Variants in ZNF14 observed in about 807,000 individuals in gnomAD.
ZNF14 encodes the protein gonadotropin inducible transcription repressor-4.
Under a neutral mutation model 11.3 loss-of-function variants are expected in ZNF14, and 9 were observed. The ratio of observed to expected loss-of-function variants is 0.80; its 90% CI spans 0.48 to 1.39. The LOEUF is 1.39. ZNF14 is among the 40% of genes most tolerant of loss of function. The pLI is 0.00. For missense variants in ZNF14, 711 were observed against 763.9 expected (o/e 0.93, Z 0.82); for synonymous variants, 239 against 245.7 (o/e 0.97, Z 0.25).
At chr19:19,714,068 A>G (rs752843062) in intron 3 of ZNF14, 23 bp downstream of exon 3, 4 of 1,610,090 alleles carry the variant, frequency 2.5e-6, no homozygotes, top group Admixed American at 1.7e-5. Flanking sequence ...ACGGGCCACT[A>G]TTTTTCTGTG....
At position 19,728,200 on chromosome 19, in the gene ZNF14, C is replaced by T. The variant is rs2062411617; in HGVS notation, c.3+4756G>A. 2.3e-5 allele frequency among the ~76,000 whole-genome samples: 3 copies of T among 132,840 alleles called. 1 individual carries two copies. Among genetic ancestry groups the T allele is most frequent in the African/African-American group, 8.4e-5 (3 of 35,852 alleles). 87.1% of individuals were successfully genotyped at this position (132,840 alleles called of 152,430 possible). A position where few individuals can be genotyped will look rare whatever the true frequency, so the allele number is the denominator to read the frequency against. On this transcript the variant is annotated intron_variant, in intron 1 of 3. Coordinates refer to ENST00000344099, the MANE Select transcript of ZNF14 (RefSeq NM_021030.3). ...GATAAAAGCAATCTGTCAGACCAAA[C>T]ACCAATCCCAGTACCACAGTCAAAC...
chr19:19,710,968 C>T lies in ZNF14; in HGVS notation c.*384G>A, dbSNP rs757603680. ...AATTTTTAGTAGAGATGGGGTTACACCATGTTGACCACGCTGGTCTCGAAT... is the reference window on the plus strand; with the variant it reads ...AATTTTTAGTAGAGATGGGGTTACATCATGTTGACCACGCTGGTCTCGAAT... On this transcript the variant is annotated 3_prime_UTR_variant, in exon 4 of 4. Transcript: ENST00000344099. 2 of 174,666 alleles carry T rather than the reference C, an allele frequency of 1.1e-5. No individual in the cohort carries two copies. The highest frequency in any genetic ancestry group is 5.5e-5 in the Admixed American group (1 of 18,170). 10.8% of individuals were successfully genotyped at this position (174,666 alleles called of 1,614,324 possible). A position where few individuals can be genotyped will look rare whatever the true frequency, so the allele number is the denominator to read the frequency against.
intron 1 of ZNF14, among the ~76,000 whole-genome samples, chr19:19,715,527 G>T (rs754983884): frequency 5.3e-5 from 8 of 152,232 alleles, no homozygotes; most frequent in Non-Finnish European, 1.2e-4. Flanking sequence ...TGTGCAGGGG[G>T]AAGTGTATTA....
Position 19,711,887 on chromosome 19 carries a change from T to C in ZNF14, c.1394A>G (p.His465Arg). 6.2e-7 allele frequency: 1 copy of C among 1,614,090 alleles called. No individual in the cohort carries two copies. Among genetic ancestry groups the C allele is most frequent in the South Asian group, 1.1e-5 (1 of 91,074 alleles). The change falls in exon 4 of 4, where the codon CAT becomes CGT. Residue 465 changes from histidine (H) to arginine (R), a missense_variant. By Grantham distance (29) the His-to-Arg change is conservative (BLOSUM62 0). Coordinates refer to ENST00000344099, the MANE Select transcript of ZNF14 (RefSeq NM_021030.3). ...TTTCTCTCCAGTGTGTGACCTTTCA[T>C]GAATTCGAAAATAACTTGAACACCT... ...AFRCSSYFRI[H>R]ERSHTGEKPY... is the part of the protein sequence containing the mutation.
At chr19:19,721,727 C>T (rs1191013106) in intron 1 of ZNF14, among the ~76,000 whole-genome samples, 1 of 151,964 alleles carries the variant, frequency 6.6e-6, no homozygotes, top group Non-Finnish European at 1.5e-5. Flanking sequence ...TTTGGGAGGC[C>T]GAGGTGGGTG....
At position 19,714,342 on chromosome 19, in the gene ZNF14, G is replaced by C. The variant is rs115548742; in HGVS notation, c.130+19C>G. 931 of 1,613,184 alleles carry C rather than the reference G, an allele frequency of 5.8e-4. 5 individuals are homozygous for C. In the African/African-American group the frequency reaches 9.4e-3, roughly 16 times the overall value. On this transcript the variant is annotated intron_variant, in intron 2 of 3. Transcript: ENST00000344099. ...TGTGTTCTATATTTAACTGAGGAAA[G>C]AAATGTTGATATCCTTACCTAGACA...
chr19:19,714,729 T>TTTTTTTTTTA (rs2062373261), intron 1 of ZNF14, among the ~76,000 whole-genome samples: 1 of 149,892 alleles, frequency 6.7e-6, no homozygotes, highest in African/African-American at 2.4e-5. Flanking sequence ...TTTTTTTTTT[T>TTTTTTTTTTA]GAGACAGAGT....
intron 1 of ZNF14, among the ~76,000 whole-genome samples, chr19:19,730,325 C>T (rs534594387): frequency 2.6e-4 from 40 of 152,114 alleles, no homozygotes; most frequent in Non-Finnish European, 5.3e-4. Flanking sequence ...CCGTGCCCAG[C>T]CCGCAGTTTT....
At chr19:19,732,062 TCA>T (rs1160065927) in intron 1 of ZNF14, among the ~76,000 whole-genome samples, 1 of 152,130 alleles carries the variant, frequency 6.6e-6, no homozygotes, top group African/African-American at 2.4e-5. Flanking sequence ...CGAGACTCCG[TCA>T]CACACAAAAA....
At position 19,714,102 on chromosome 19, in the gene ZNF14, C is replaced by A. The variant is rs376096418; in HGVS notation, c.180G>T (p.Gly60=). ...QDIEDDHRNQ[G]KNRRCHMVER... The stretch of plus-strand genomic sequence containing the variant: ...TGGATGCAACTCACCTTCGATTTTT[C>A]CCCTGGTTTCTGTGGTCATCTTCAA... The change falls in exon 3 of 4, where the codon GGG becomes GGT. Residue 60 remains glycine (G), a synonymous_variant. Coordinates refer to ENST00000344099, the MANE Select transcript of ZNF14 (RefSeq NM_021030.3). 198 of 1,613,034 alleles carry A rather than the reference C, an allele frequency of 1.2e-4. 1 individual carries two copies. Among genetic ancestry groups the A allele is most frequent in the Non-Finnish European group, 1.7e-4 (195 of 1,179,560 alleles).
Position 19,711,232 on chromosome 19 carries a change from G to A in ZNF14, c.*120C>T. 1 of 1,165,168 alleles carries A rather than the reference G, an allele frequency of 8.6e-7. No homozygotes were observed. Among genetic ancestry groups the A allele is most frequent in the East Asian group, 2.5e-5 (1 of 39,428 alleles). 72.2% of individuals were successfully genotyped at this position (1,165,168 alleles called of 1,614,324 possible). ...AATTCTTTCGTGCTCAAAAGAAACT[G>A]GAACAATTAAGGGCTTTAGAACAAT... On this transcript the variant is annotated 3_prime_UTR_variant, in exon 4 of 4. Transcript: ENST00000344099.
chr19:19,732,013 T>G (rs534773650), intron 1 of ZNF14, among the ~76,000 whole-genome samples: 312 of 151,930 alleles, frequency 2.1e-3, no homozygotes, highest in Non-Finnish European at 3.3e-3. Context: ...TGCAGTGAGC[T>G]GGAGATCGCG....
At chr19:19,717,106 A>G (rs879547616) in intron 1 of ZNF14, among the ~76,000 whole-genome samples, 2 of 152,188 alleles carry the variant, frequency 1.3e-5, no homozygotes, top group Non-Finnish European at 2.9e-5. Context: ...ACTCAGTCCC[A>G]CAAGACTGCC....
intron 3 of ZNF14, among the ~76,000 whole-genome samples, chr19:19,713,884 AAAT>A (rs1209993772): frequency 1.3e-5 from 2 of 151,942 alleles, no homozygotes; most frequent in East Asian, 1.9e-4. Flanking sequence ...TGCCTGGCCA[AAAT>A]AATAATATTT....
At chr19:19,718,900 G>C (rs1199242559) in intron 1 of ZNF14, among the ~76,000 whole-genome samples, 1 of 152,114 alleles carries the variant, frequency 6.6e-6, no homozygotes, top group Non-Finnish European at 1.5e-5. Flanking sequence ...GAGTAGCTGA[G>C]ATTACAGGTA....
chr19:19,712,107 CAT>C lies in ZNF14; in HGVS notation c.1172_1173del (p.Tyr391Ter), dbSNP rs764822385. On this transcript the variant is annotated frameshift_variant, in exon 4 of 4. Transcript: ENST00000344099. LOFTEE classifies it low-confidence loss of function (END_TRUNC). ...HERTHTGEKP[Y>X]ECKQCHKTFS... ...AAGGTTTTATGACACTGTTTACACT[CAT>C]AAGGTTTCTCTCCAGTATGAGTTCT... 4.2e-5 allele frequency: 68 copies of C among 1,613,728 alleles called. 1 individual carries two copies. Among genetic ancestry groups the C allele is most frequent in the South Asian group, 1.1e-4 (10 of 91,056 alleles).
intron 1 of ZNF14, 57 bp downstream of exon 1, chr19:19,732,899 G>A: frequency 6.2e-7 from 1 of 1,603,922 alleles, no homozygotes; most frequent in Non-Finnish European, 8.5e-7. Flanking sequence ...CCCCGGCCTC[G>A]GCCACAGACG....
intron 1 of ZNF14, among the ~76,000 whole-genome samples, chr19:19,716,813 C>T (rs1350878201): frequency 6.6e-6 from 1 of 152,084 alleles, no homozygotes; most frequent in Non-Finnish European, 1.5e-5. Flanking sequence ...GGAAAAGTAA[C>T]AGTTTTGTAA....
chr19:19,723,825 C>CGTTG (rs2062399830), intron 1 of ZNF14, among the ~76,000 whole-genome samples: 1 of 132,600 alleles, frequency 7.5e-6, no homozygotes, highest in Non-Finnish European at 1.7e-5. Context: ...GGTGTATGTC[C>CGTTG]AGGAATTTAT....
Sources: allele counts gnomAD v4.1 joint callset (sites outside exome capture counted in the v4.1 genomes callset), GRCh38; gene constraint gnomAD v4.1.1; transcripts MANE v1.5; gene names NCBI Gene and HGNC (gene_info 2026-07-23, HGNC 2026-07-21).